Variants in ATP11A observed in about 807,000 individuals in gnomAD.
The protein encoded by ATP11A is ATPase phospholipid transporting 11A, also known as phospholipid-transporting ATPase IH.
In ATP11A, 81 loss-of-function variants were observed where a neutral mutation model predicts 154.4. The observed-to-expected ratio is 0.52, with a 90% confidence interval of 0.44 to 0.63. ATP11A has a LOEUF of 0.63. Ranked by LOEUF, ATP11A falls within the 30% of genes least tolerant of loss-of-function variation. ATP11A has a pLI of 0.00. For missense variants in ATP11A, 1,316 were observed against 1,474.3 expected (o/e 0.89, Z 1.76); for synonymous variants, 623 against 585.9 (o/e 1.06, Z -0.91).
At chr13:112,814,158 G>A (rs2078579103) in intron 5 of ATP11A, among the ~76,000 whole-genome samples, 1 of 151,980 alleles carries the variant, frequency 6.6e-6, no homozygotes, top group African/African-American at 2.4e-5. Context: ...CCACCTCCCA[G>A]GTTCAAGCTA....
chr13:112,744,282 G>A (rs1041590955), intron 1 of ATP11A, among the ~76,000 whole-genome samples: 3 of 151,106 alleles, frequency 2.0e-5, no homozygotes, highest in Non-Finnish European at 2.9e-5. Context: ...GGCTTGGGAC[G>A]GTCTGGGAGG....
intron 1 of ATP11A, among the ~76,000 whole-genome samples, chr13:112,722,307 G>T (rs1889295798): frequency 6.6e-6 from 1 of 151,120 alleles, no homozygotes; most frequent in South Asian, 2.1e-4. Flanking sequence ...GGTGGGCCCG[G>T]GGAGAGGGGG....
At chr13:112,760,330 C>G (rs1194962564) in intron 1 of ATP11A, among the ~76,000 whole-genome samples, 1 of 152,302 alleles carries the variant, frequency 6.6e-6, no homozygotes, top group East Asian at 1.9e-4. Context: ...GTATAGGGCC[C>G]CCGCCGAGTC....
intron 27 of ATP11A, among the ~76,000 whole-genome samples, chr13:112,874,021 A>T (rs1457725264): frequency 6.6e-6 from 1 of 152,242 alleles, no homozygotes; most frequent in Non-Finnish European, 1.5e-5. Flanking sequence ...TGAAACCTGG[A>T]AGAAGAGCGC....
At chr13:112,826,422 G>A (rs925131061) in intron 11 of ATP11A, among the ~76,000 whole-genome samples, 4 of 152,248 alleles carry the variant, frequency 2.6e-5, no homozygotes, top group African/African-American at 4.8e-5. Context: ...TCCTGTCATC[G>A]GCACATGCTT....
At chr13:112,739,418 TTA>T (rs1196071942) in intron 1 of ATP11A, among the ~76,000 whole-genome samples, 2 of 152,178 alleles carry the variant, frequency 1.3e-5, no homozygotes, top group Non-Finnish European at 2.9e-5. Flanking sequence ...AATAAAAACT[TTA>T]TGCTTCATAC....
chr13:112,811,160 C>CAACACACACACACACACACACA (rs1322785669), intron 5 of ATP11A, among the ~76,000 whole-genome samples: 8 of 46,336 alleles, frequency 1.7e-4, no homozygotes, highest in African/African-American at 9.7e-4. Flanking sequence ...CTGCCCCTTC[C>CAACACACACACACACACACACA]AACACACACA....
chr13:112,851,672 C>G (rs966009792), intron 18 of ATP11A: 2 of 153,086 alleles, frequency 1.3e-5, no homozygotes, highest in Non-Finnish European at 2.9e-5. Context: ...CAAGCACATA[C>G]CACCATGCCT....
chr13:112,825,482 C>G lies in ATP11A; in HGVS notation c.925C>G (p.Leu309Val). ...TCTCTGCATTCTGATCAGCAAAGCCCTGATAAACACTGTGCTGAAATACAT... is the reference window on the plus strand; with the variant it reads ...TCTCTGCATTCTGATCAGCAAAGCCGTGATAAACACTGTGCTGAAATACAT... ...VYLCILISKA[L>V]INTVLKYMWQ... The change falls in exon 11 of 30, where the codon CTG (leucine) becomes GTG (valine). Residue 309 changes from leucine (L) to valine (V), a missense_variant. By Grantham distance (32) the Leu-to-Val change is conservative. Transcript: ENST00000375645. The G allele has an allele frequency of 6.2e-7, 1 of 1,613,972 alleles. No individual in the cohort carries two copies. Among genetic ancestry groups the G allele is most frequent in the South Asian group, 1.1e-5 (1 of 91,052 alleles).
chr13:112,810,611 T>G lies in ATP11A; in HGVS notation c.334-8T>G. ...TTCCTCTCTCCCTTCTTTCCTTCCT[T>G]TTTTTAGGGTTATGAAGACTGGCTT... On this transcript the variant is annotated splice_region_variant and splice_polypyrimidine_tract_variant and intron_variant, in intron 4 of 29. Coordinates refer to ENST00000375645, the MANE Select transcript of ATP11A (RefSeq NM_015205.3). 1 of 1,612,632 alleles carries G rather than the reference T, an allele frequency of 6.2e-7. No homozygotes were observed.
chr13:112,881,280 G>C (rs1264804881), intron 29 of ATP11A: 43 of 993,844 alleles, frequency 4.3e-5, no homozygotes, highest in Non-Finnish European at 5.0e-5. Flanking sequence ...CCAGTGGGCT[G>C]TCAGAAGCCA....
intron 1 of ATP11A, among the ~76,000 whole-genome samples, chr13:112,712,709 G>A (rs1037935025): frequency 2.6e-5 from 4 of 152,192 alleles, no homozygotes; most frequent in Admixed American, 6.5e-5. Flanking sequence ...CTCTATGGCC[G>A]GACCACAGTC....
At chr13:112,861,161 T>C (rs988636230) in intron 24 of ATP11A, among the ~76,000 whole-genome samples, 27 of 152,238 alleles carry the variant, frequency 1.8e-4, no homozygotes, top group African/African-American at 6.5e-4. Flanking sequence ...TTAGTCACTA[T>C]TACGAGAACA....
At position 112,844,478 on chromosome 13, in the gene ATP11A, T is replaced by C. The variant is rs577220610; in HGVS notation, c.1809+2099T>C. 4.6e-5 allele frequency among the ~76,000 whole-genome samples: 7 copies of C among 152,262 alleles called. No individual in the cohort carries two copies. In the South Asian group the frequency reaches 1.5e-3, roughly 32 times the overall value. ...TCACCCTAGAGACTGTCTCGCGCCC[T>C]CATACTCCCATCCCTGCCAACTCCC... On this transcript the variant is annotated intron_variant, in intron 17 of 29. Transcript: ENST00000375645.
chr13:112,795,266 T>TA (rs1205569103), intron 2 of ATP11A, among the ~76,000 whole-genome samples: 2 of 152,130 alleles, frequency 1.3e-5, no homozygotes, highest in East Asian at 3.8e-4. Context: ...ATAAATAAGT[T>TA]ATGGCAAGTC....
chr13:112,852,713 C>T (rs2079801668), intron 18 of ATP11A, among the ~76,000 whole-genome samples: 1 of 147,942 alleles, frequency 6.8e-6, no homozygotes, highest in Non-Finnish European at 1.5e-5. Context: ...GGGACAGAGC[C>T]CCTGGGGCGG....
At chr13:112,840,388 T>C (rs1265114868) in intron 16 of ATP11A, among the ~76,000 whole-genome samples, 16 of 67,318 alleles carry the variant, frequency 2.4e-4, no homozygotes, top group Admixed American at 8.7e-4. Flanking sequence ...CCCCATTCTC[T>C]CATCCCCCCT....
intron 26 of ATP11A, among the ~76,000 whole-genome samples, chr13:112,872,266 C>G (rs1345215930): frequency 1.3e-5 from 2 of 152,204 alleles, no homozygotes; most frequent in Non-Finnish European, 2.9e-5. Context: ...GATACCAAAA[C>G]ATTCCTAAGG....
intron 1 of ATP11A, among the ~76,000 whole-genome samples, chr13:112,694,798 C>T (rs897434379): frequency 1.3e-5 from 2 of 152,132 alleles, no homozygotes; most frequent in Non-Finnish European, 2.9e-5. Context: ...TGAAGGATTT[C>T]CTTGCTGACA....
Sources: allele counts gnomAD v4.1 joint callset (sites outside exome capture counted in the v4.1 genomes callset), GRCh38; gene constraint gnomAD v4.1.1; transcripts MANE v1.5; gene names NCBI Gene and HGNC (gene_info 2026-07-23, HGNC 2026-07-21).